The following RSPO2 variants were observed in gnomAD, a reference collection of about 807,000 sequenced individuals.
RSPO2 encodes the protein R-spondin 2.
In RSPO2, 14 loss-of-function variants were observed where a neutral mutation model predicts 30.9. That is an observed-to-expected ratio of 0.45 (90% CI 0.30 to 0.71). The LOEUF is 0.71. Ranked by LOEUF, RSPO2 falls within the 30% of genes least tolerant of loss-of-function variation. The pLI is 0.08. For missense variants in RSPO2, 264 were observed against 301.9 expected (o/e 0.87, Z 0.93); for synonymous variants, 107 against 96.4 (o/e 1.11, Z -0.64).
At chr8:108,063,535 C>T (rs1378891489) in intron 2 of RSPO2, among the ~76,000 whole-genome samples, 2 of 151,696 alleles carry the variant, frequency 1.3e-5, no homozygotes, top group South Asian at 2.1e-4. Context: ...TAAAAGAGGA[C>T]ACAAACAAAT....
chr8:107,944,771 T>C (rs1334756459), intron 5 of RSPO2, among the ~76,000 whole-genome samples: 1 of 152,200 alleles, frequency 6.6e-6, no homozygotes. Context: ...AAGGAAGGGA[T>C]GCAAATGAGT....
chr8:107,949,483 A>G (rs1813174343), intron 5 of RSPO2, among the ~76,000 whole-genome samples: 1 of 152,148 alleles, frequency 6.6e-6, no homozygotes. Context: ...TCCTGCATTC[A>G]CTAGATACCA....
chr8:107,974,984 A>C (rs1814160509), intron 3 of RSPO2, among the ~76,000 whole-genome samples: 1 of 152,324 alleles, frequency 6.6e-6, no homozygotes, highest in East Asian at 1.9e-4. Flanking sequence ...TCTTCATCTG[A>C]ATTCAATCTA....
At chr8:108,034,948 T>G (rs549917481) in intron 2 of RSPO2, among the ~76,000 whole-genome samples, 1 of 152,336 alleles carries the variant, frequency 6.6e-6, no homozygotes, top group Non-Finnish European at 1.5e-5. Flanking sequence ...CTAAATACTG[T>G]TTTGCTTTCC....
chr8:108,082,465 C>G, intron 2 of RSPO2, 80 bp downstream of exon 2: 1 of 1,110,638 alleles, frequency 9.0e-7, no homozygotes, highest in Middle Eastern at 2.2e-4. Context: ...CATCTGAGCC[C>G]CCGGAGCCAG....
chr8:108,065,902 G>A (rs1453469980), intron 2 of RSPO2, among the ~76,000 whole-genome samples: 2 of 152,148 alleles, frequency 1.3e-5, no homozygotes, highest in East Asian at 3.9e-4. Flanking sequence ...GCTGGGCATG[G>A]TGGTGGGTGC....
intron 2 of RSPO2, among the ~76,000 whole-genome samples, chr8:108,070,622 T>C (rs1193337389): frequency 2.0e-5 from 3 of 152,154 alleles, no homozygotes; most frequent in South Asian, 2.1e-4. Context: ...GTCTTGTATT[T>C]TGAGTTCAAG....
chr8:107,966,329 A>G (rs1813804137), intron 3 of RSPO2, among the ~76,000 whole-genome samples: 1 of 152,148 alleles, frequency 6.6e-6, no homozygotes, highest in African/African-American at 2.4e-5. Context: ...ACAGGTACAT[A>G]GAAGCACAGA....
intron 2 of RSPO2, among the ~76,000 whole-genome samples, chr8:108,001,575 G>A (rs986499183): frequency 3.3e-5 from 5 of 152,134 alleles, no homozygotes; most frequent in Admixed American, 6.5e-5. Context: ...CCAGAATCAC[G>A]AGCTCCTCAA....
intron 4 of RSPO2, 42 bp from the exon 5 acceptor site, chr8:107,958,310 A>C (rs1813498871): frequency 6.7e-7 from 1 of 1,495,340 alleles, no homozygotes; most frequent in Non-Finnish European, 9.3e-7. Flanking sequence ...ACACAAGCAC[A>C]TAAGTTAGTA....
intron 2 of RSPO2, among the ~76,000 whole-genome samples, chr8:108,038,531 A>T (rs146036165): frequency 1.3e-5 from 2 of 152,316 alleles, no homozygotes; most frequent in East Asian, 3.9e-4. Flanking sequence ...GCTACTATGG[A>T]TAAGACATTA....
intron 2 of RSPO2, among the ~76,000 whole-genome samples, chr8:108,035,227 CCTT>C (rs992512669): frequency 5.9e-5 from 9 of 152,170 alleles, no homozygotes; most frequent in African/African-American, 2.2e-4. Flanking sequence ...TCTTAAAACT[CCTT>C]CTTAGTATAA....
At chr8:108,056,469 A>G (rs1263494600) in intron 2 of RSPO2, among the ~76,000 whole-genome samples, 2 of 151,410 alleles carry the variant, frequency 1.3e-5, no homozygotes, top group African/African-American at 4.9e-5. Context: ...AATATACAAA[A>G]AAAAATAGGC....
chr8:107,926,398 T>G (rs866928695), intron 5 of RSPO2, among the ~76,000 whole-genome samples: 13 of 152,078 alleles, frequency 8.5e-5, no homozygotes, highest in Admixed American at 3.3e-4. Context: ...AGAAGCTCTT[T>G]AGTTTAATTA....
chr8:108,067,448 A>G (rs901770892), intron 2 of RSPO2, among the ~76,000 whole-genome samples: 24 of 152,398 alleles, frequency 1.6e-4, no homozygotes, highest in South Asian at 6.2e-4. Flanking sequence ...CAGCCAATAC[A>G]AAGTAAAACA....
intron 2 of RSPO2, among the ~76,000 whole-genome samples, chr8:107,992,664 T>C (rs1469769628): frequency 1.3e-5 from 2 of 152,074 alleles, no homozygotes; most frequent in African/African-American, 4.8e-5. Context: ...ACCAAACAAG[T>C]CTACATCTAA....
chr8:108,022,608 T>C (rs1212215288), intron 2 of RSPO2, among the ~76,000 whole-genome samples: 1 of 152,132 alleles, frequency 6.6e-6, no homozygotes, highest in Non-Finnish European at 1.5e-5. Flanking sequence ...TTGAACATCT[T>C]AAATACAAAC....
intron 2 of RSPO2, among the ~76,000 whole-genome samples, chr8:108,010,770 C>T (rs1276352310): frequency 6.6e-6 from 1 of 151,942 alleles, no homozygotes; most frequent in Non-Finnish European, 1.5e-5. Flanking sequence ...TGATGCAAGC[C>T]TTGGTGAAAA....
chr8:108,048,708 T>C (rs1472239909), intron 2 of RSPO2, among the ~76,000 whole-genome samples: 1 of 152,180 alleles, frequency 6.6e-6, no homozygotes, highest in Admixed American at 6.5e-5. Context: ...TGCCTTCTGC[T>C]AGCTTTTGAA....
Sources: allele counts gnomAD v4.1 joint callset (sites outside exome capture counted in the v4.1 genomes callset), GRCh38; gene constraint gnomAD v4.1.1; transcripts MANE v1.5; gene names NCBI Gene and HGNC (gene_info 2026-07-23, HGNC 2026-07-21).